FRMPD4: variants seen among roughly 807,000 people sequenced by gnomAD.
The protein encoded by FRMPD4 is FERM and PDZ domain-containing protein 4.
Under a neutral mutation model 94.1 loss-of-function variants are expected in FRMPD4, and 22 were observed. The ratio of observed to expected loss-of-function variants is 0.23; its 90% CI spans 0.17 to 0.33. The LOEUF (loss-of-function observed/expected upper bound fraction) is 0.33, where lower values mean the gene tolerates loss of function less well. Ranked by LOEUF, FRMPD4 falls within the 10% of genes least tolerant of loss-of-function variation. FRMPD4 has a pLI of 1.00. For synonymous variants in FRMPD4, 631 were observed against 548.6 expected (o/e 1.15, Z -2.10); for missense variants, 1,111 against 1,339.9 (o/e 0.83, Z 2.67).
chrX:12,062,694 T>C (rs1212485634), intron 3 of FRMPD4, among the ~76,000 whole-genome samples: 1 of 111,437 alleles, frequency 9.0e-6, no homozygotes, highest in Non-Finnish European at 1.9e-5. Context: ...TTTGTGCTGT[T>C]GTCAAAAACT....
intron 5 of FRMPD4, among the ~76,000 whole-genome samples, chrX:12,682,057 T>C (rs1455787758): frequency 8.9e-6 from 1 of 112,035 alleles, no homozygotes; most frequent in East Asian, 2.8e-4. Flanking sequence ...TCATGCAATA[T>C]GTGGCCTTTT....
intron 1 of FRMPD4, among the ~76,000 whole-genome samples, chrX:12,462,050 TAAAAG>T (rs2057396178): frequency 9.0e-6 from 1 of 111,542 alleles, no homozygotes; most frequent in Non-Finnish European, 1.9e-5. Context: ...TAAAATAAAA[TAAAAG>T]GAAAGAAGAA....
At chrX:11,926,167 AC>A (rs1322908325) in intron 3 of FRMPD4, among the ~76,000 whole-genome samples, 2 of 103,841 alleles carry the variant, frequency 1.9e-5, no homozygotes, top group Non-Finnish European at 3.9e-5. Context: ...GGACAAATAC[AC>A]CCTCTCAAGA....
At chrX:11,902,751 C>T (rs757192445) in intron 3 of FRMPD4, among the ~76,000 whole-genome samples, 6 of 110,919 alleles carry the variant, frequency 5.4e-5, no homozygotes, top group Admixed American at 9.6e-5. Context: ...AGAATGGAAT[C>T]GAAATGGAAA....
At chrX:12,339,257 A>G (rs1217199123) in intron 1 of FRMPD4, among the ~76,000 whole-genome samples, 1 of 112,285 alleles carries the variant, frequency 8.9e-6, no homozygotes, top group East Asian at 2.8e-4. Flanking sequence ...CATTTTTCTC[A>G]TATCAGGACA....
intron 1 of FRMPD4, among the ~76,000 whole-genome samples, chrX:12,374,611 CCTTA>C (rs1363754896): frequency 2.7e-5 from 3 of 111,970 alleles, no homozygotes; most frequent in Non-Finnish European, 5.6e-5. Context: ...ATGAACAAAA[CCTTA>C]CTTGCCATTT....
chrX:11,953,441 C>G, intron 3 of FRMPD4, among the ~76,000 whole-genome samples: 1 of 110,808 alleles, frequency 9.0e-6, no homozygotes, highest in Non-Finnish European at 1.9e-5. Context: ...TCTAAGATTC[C>G]TAACCATGGT....
At chrX:11,844,147 C>T (rs2053559230) in intron 1 of FRMPD4, among the ~76,000 whole-genome samples, 1 of 95,121 alleles carries the variant, frequency 1.1e-5, no homozygotes, top group Non-Finnish European at 2.1e-5. Flanking sequence ...GCCATCACAC[C>T]CAGCTATTTT....
At chrX:12,278,790 A>T (rs1392171184) in intron 1 of FRMPD4, among the ~76,000 whole-genome samples, 2 of 111,558 alleles carry the variant, frequency 1.8e-5, no homozygotes. Context: ...TGACCCAGGG[A>T]GTTGGAGAGT....
intron 1 of FRMPD4, among the ~76,000 whole-genome samples, chrX:12,253,463 G>A (rs2054070884): frequency 8.9e-6 from 1 of 111,778 alleles, no homozygotes. Context: ...ATACTCTTGT[G>A]GTTTTGTGAA....
intron 1 of FRMPD4, among the ~76,000 whole-genome samples, chrX:12,388,848 T>TACAC (rs1434370708): frequency 4.6e-4 from 34 of 73,848 alleles, no homozygotes; most frequent in Non-Finnish European, 7.0e-4. Flanking sequence ...TATATATATA[T>TACAC]ATACACACAA....
At chrX:12,243,186 C>T (rs758931736) in intron 1 of FRMPD4, among the ~76,000 whole-genome samples, 7 of 112,225 alleles carry the variant, frequency 6.2e-5, no homozygotes, top group Non-Finnish European at 1.3e-4. Context: ...CTGGCCTGTT[C>T]ACCTGTTTCT....
At chrX:12,651,838 G>C (rs868449367) in intron 4 of FRMPD4, among the ~76,000 whole-genome samples, 4 of 112,426 alleles carry the variant, frequency 3.6e-5, no homozygotes, top group Non-Finnish European at 1.9e-5. Flanking sequence ...AATTGCATAA[G>C]AATGTGATTT....
chrX:12,550,566 T>C (rs1226115434), intron 2 of FRMPD4, among the ~76,000 whole-genome samples: 1 of 111,826 alleles, frequency 8.9e-6, no homozygotes, highest in Admixed American at 9.5e-5. Flanking sequence ...ACTGTAGTAC[T>C]GTTTGCAGCT....
chrX:11,867,672 G>A (rs2053729109), intron 2 of FRMPD4, among the ~76,000 whole-genome samples: 1 of 111,639 alleles, frequency 9.0e-6, no homozygotes, highest in Non-Finnish European at 1.9e-5. Context: ...CACCCCAATG[G>A]GTCATTTTCA....
Position 11,911,497 on chromosome X carries a change from A to AG in FRMPD4, c.95+33482dup, listed in dbSNP as rs765883553. 1.1e-4 allele frequency among the ~76,000 whole-genome samples: 12 copies of AG among 112,266 alleles called. No individual in the cohort carries two copies. The South Asian group carries it at 3.7e-3, about 35-fold the overall frequency. ...AAAATGTGACACTGTTTTGCAGCAA[A>AG]GGGCTTCTCCCTTCCTCTGAATGGA... On this transcript the variant is annotated intron_variant, in intron 3 of 18. Transcript: ENST00000640291.
chrX:12,545,330 G>A (rs5978545), intron 2 of FRMPD4, among the ~76,000 whole-genome samples: 10,797 of 100,149 alleles, frequency 0.11, 1,269 homozygotes, highest in African/African-American at 0.36. Flanking sequence ...TCTTCTTCCA[G>A]TGTGACCCAA....
At chrX:12,282,336 G>A (rs2054538999) in intron 1 of FRMPD4, among the ~76,000 whole-genome samples, 1 of 112,244 alleles carries the variant, frequency 8.9e-6, no homozygotes, top group African/African-American at 3.2e-5. Flanking sequence ...CAGGGCTGAA[G>A]GCCCAAAATA....
chrX:12,349,410 G>A (rs1163119992), intron 1 of FRMPD4, among the ~76,000 whole-genome samples: 2 of 109,943 alleles, frequency 1.8e-5, no homozygotes, highest in Non-Finnish European at 3.8e-5. Context: ...GGTTAGTAAG[G>A]CGCCCTCTGG....
Sources: allele counts gnomAD v4.1 joint callset (sites outside exome capture counted in the v4.1 genomes callset), GRCh38; gene constraint gnomAD v4.1.1; transcripts MANE v1.5; gene names NCBI Gene and HGNC (gene_info 2026-07-23, HGNC 2026-07-21).